Variants in TRIM69 observed in about 807,000 individuals in gnomAD.
TRIM69 encodes E3 ubiquitin-protein ligase TRIM69.
Under a neutral mutation model 37.7 loss-of-function variants are expected in TRIM69, and 29 were observed. The observed-to-expected ratio is 0.77, with a 90% CI of 0.57 to 1.05. The LOEUF is 1.05. TRIM69 is among the 50% of genes least tolerant of loss of function. TRIM69 has a pLI of 0.00. For synonymous variants in TRIM69, 209 were observed against 212.4 expected (o/e 0.98, Z 0.14); for missense variants, 596 against 579.9 (o/e 1.03, Z -0.28).
At chr15:44,758,462 G>T in intron 3 of TRIM69, 159 bp from the exon 4 acceptor site, 2 of 1,093,262 alleles carry the variant, frequency 1.8e-6, no homozygotes, top group East Asian at 2.6e-5. Context: ...GTCTCCCAAA[G>T]GACTCATTTT....
chr15:44,736,658 G>A lies in TRIM69; in HGVS notation c.-47G>A, dbSNP rs778223741. 8 of 1,610,324 alleles carry A rather than the reference G, an allele frequency of 5.0e-6. No homozygotes were observed. In the African/African-American group the frequency reaches 9.4e-5, roughly 19 times the overall value. ...TCTGCAGCCATCCTGGGCCTGCTGA[G>A]CTCTGATTCAAGTGCCTGCCTCTGC... On this transcript the variant is annotated 5_prime_UTR_variant, in exon 1 of 7. Coordinates refer to ENST00000329464, the MANE Select transcript of TRIM69 (RefSeq NM_182985.5).
Position 44,756,363 on chromosome 15 carries a change from C to T in TRIM69, c.484-5C>T. 2.6e-6 allele frequency: 4 copies of T among 1,544,764 alleles called. No homozygotes were observed. The highest frequency in any genetic ancestry group is 1.4e-5 in the African/African-American group (1 of 72,946). On this transcript the variant is annotated splice_polypyrimidine_tract_variant and splice_region_variant and intron_variant, in intron 2 of 6. Coordinates refer to ENST00000329464, the MANE Select transcript of TRIM69 (RefSeq NM_182985.5). The stretch of plus-strand genomic sequence containing the variant: ...GTCTGGGTTAATTCTATTTGATATT[C>T]CCAGGAGGAGCTTGCCATCCAACAG...
Position 44,767,504 on chromosome 15 carries a change from G to C in TRIM69, c.1235G>C (p.Gly412Ala). 1 of 1,614,188 alleles carries C rather than the reference G, an allele frequency of 6.2e-7. No homozygotes were observed. Among genetic ancestry groups the C allele is most frequent in the Non-Finnish European group, 8.5e-7 (1 of 1,180,014 alleles). The stretch of plus-strand genomic sequence containing the variant: ...AGCTGTCCTCTAACTCCTGAGCAAG[G>C]ATTCTGGCTTTTAAGACTAAGGAAC... The part of the protein sequence containing the change: ...KGSCPLTPEQ[G>A]FWLLRLRNQT... The change falls in exon 7 of 7, where the codon GGA (glycine) becomes GCA (alanine). Residue 412 changes from glycine (G) to alanine (A), a missense_variant. Physicochemically the swap from Gly to Ala is moderately conservative, Grantham distance 60. Transcript: ENST00000329464.
intron 6 of TRIM69, among the ~76,000 whole-genome samples, chr15:44,761,310 T>C (rs1410970293): frequency 1.3e-5 from 2 of 152,248 alleles, no homozygotes; most frequent in Non-Finnish European, 2.9e-5. Flanking sequence ...TTGATGGACA[T>C]GGGGTAGTCC....
In TRIM69 at chr15:44,760,507, A is replaced by T. The variant is rs139050806; in HGVS notation, c.961+635A>T. On this transcript the variant is annotated intron_variant, in intron 6 of 6. Coordinates refer to ENST00000329464, the MANE Select transcript of TRIM69 (RefSeq NM_182985.5). Reference sequence around the variant, plus strand: ...GAGTTTTTATAGAATTCATAGACTCATCATTATTATTATTGTTTATGGTTA... The same window carrying T: ...GAGTTTTTATAGAATTCATAGACTCTTCATTATTATTATTGTTTATGGTTA... Among the ~76,000 whole-genome samples the T allele has an allele frequency of 4.7e-3, 723 of 152,286 alleles. 11 individuals carry two copies. Among genetic ancestry groups the T allele is most frequent in the African/African-American group, 0.016 (677 of 41,568 alleles).
chr15:44,767,208 G>A, intron 6 of TRIM69, 23 bp from the exon 7 acceptor site: 1 of 1,595,144 alleles, frequency 6.3e-7, no homozygotes, highest in Non-Finnish European at 8.5e-7. Context: ...CCCATGCTCT[G>A]CTTTCTTTTA....
intron 6 of TRIM69, among the ~76,000 whole-genome samples, chr15:44,765,445 T>C (rs1195708830): frequency 5.3e-5 from 8 of 152,112 alleles, no homozygotes. Flanking sequence ...TATGGAAAAA[T>C]TCAAGATTCT....
intron 5 of TRIM69, 29 bp from the exon 6 acceptor site, chr15:44,759,719 T>A: frequency 6.2e-7 from 1 of 1,614,146 alleles, no homozygotes. Context: ...GGAGGATGTC[T>A]AAGGATAAAT....
intron 1 of TRIM69, among the ~76,000 whole-genome samples, chr15:44,748,609 G>A (rs1400522926): frequency 6.6e-6 from 1 of 151,880 alleles, no homozygotes; most frequent in African/African-American, 2.4e-5. Flanking sequence ...TGGATCACTT[G>A]AGGTCAGGAG....
intron 1 of TRIM69, among the ~76,000 whole-genome samples, chr15:44,737,766 G>GTCC (rs1258810454): frequency 2.0e-5 from 3 of 152,186 alleles, no homozygotes; most frequent in Non-Finnish European, 2.9e-5. Context: ...TGGATGAACT[G>GTCC]TATTTTTCTG....
intron 1 of TRIM69, among the ~76,000 whole-genome samples, chr15:44,741,735 T>G (rs2087290805): frequency 2.0e-5 from 3 of 152,208 alleles, no homozygotes; most frequent in Admixed American, 6.5e-5. Flanking sequence ...GATAAATTCT[T>G]CGACACATAC....
At chr15:44,746,046 T>TGTAAG (rs1198122402) in intron 1 of TRIM69, among the ~76,000 whole-genome samples, 13 of 32,502 alleles carry the variant, frequency 4.0e-4, no homozygotes, top group Middle Eastern at 0.023. Context: ...ACAAACTCTA[T>TGTAAG]GTAAGTTAAC....
intron 1 of TRIM69, among the ~76,000 whole-genome samples, chr15:44,745,950 G>A (rs1183192851): frequency 6.6e-6 from 1 of 151,938 alleles, no homozygotes; most frequent in Non-Finnish European, 1.5e-5. Context: ...AGGAGAGAAG[G>A]GGACAGAAAG....
intron 6 of TRIM69, among the ~76,000 whole-genome samples, chr15:44,762,421 T>C (rs1035872223): frequency 6.6e-5 from 10 of 152,180 alleles, no homozygotes; most frequent in African/African-American, 2.4e-4. Context: ...TTTTGAATAA[T>C]ATCAGCTGGT....
At chr15:44,751,111 C>T (rs952078532) in intron 1 of TRIM69, among the ~76,000 whole-genome samples, 2 of 150,242 alleles carry the variant, frequency 1.3e-5, no homozygotes, top group African/African-American at 2.4e-5. Context: ...GCATGCACCA[C>T]ACCTAACTTT....
chr15:44,767,053 C>CAAAAAAAAGAA (rs2087905104), intron 6 of TRIM69, among the ~76,000 whole-genome samples, 178 bp from the exon 7 acceptor site: 2 of 24,312 alleles, frequency 8.2e-5, no homozygotes, highest in Non-Finnish European at 1.4e-4. Context: ...TTGTCTGCCT[C>CAAAAAAAAGAA]AAAAAAAAAA....
At position 44,755,396 on chromosome 15, in the gene TRIM69, T is replaced by G. The variant is rs1330054461; in HGVS notation, c.483+20T>G. 1 of 1,554,440 alleles carries G rather than the reference T, an allele frequency of 6.4e-7. No homozygotes were observed. Among genetic ancestry groups the G allele is most frequent in the Non-Finnish European group, 8.8e-7 (1 of 1,134,142 alleles). On this transcript the variant is annotated intron_variant, in intron 2 of 6. Transcript: ENST00000329464. ...TTCACGGTGGGTGAGCCCTGGGCCT[T>G]GAACAATCCCTTAGAAAAACTAGGA... is the stretch of plus-strand genomic sequence containing the variant.
At chr15:44,745,227 T>A (rs1396124392) in intron 1 of TRIM69, among the ~76,000 whole-genome samples, 2 of 152,068 alleles carry the variant, frequency 1.3e-5, no homozygotes, top group East Asian at 3.8e-4. Flanking sequence ...CTGGGAGGTT[T>A]TTGTTGTTGT....
In TRIM69 at chr15:44,758,830, A is replaced by G. The variant is rs1172036460; in HGVS notation, c.789A>G (p.Gln263=). 5 of 1,613,732 alleles carry G rather than the reference A, an allele frequency of 3.1e-6. No homozygotes were observed. In the East Asian group the frequency reaches 8.9e-5, roughly 29 times the overall value. The change falls in exon 4 of 7, where the codon CAA becomes CAG. Residue 263 remains glutamine, a synonymous_variant. Coordinates refer to ENST00000329464, the MANE Select transcript of TRIM69 (RefSeq NM_182985.5). ...TGAGCATTCAGGCAAAGACGGAACA[A>G]CAGAACTCCTTCGACTTTCTCAAAG... is the stretch of plus-strand genomic sequence containing the variant. ...MLVSIQAKTE[Q]QNSFDFLKDI...
Sources: gnomAD v4.1 joint callset for allele counts (sites outside exome capture counted in the v4.1 genomes callset) on GRCh38, gnomAD v4.1.1 for gene constraint, MANE v1.5 for transcripts, NCBI Gene and HGNC (gene_info 2026-07-23, HGNC 2026-07-21) for gene names.